Variants in UGT1A5 observed in about 807,000 individuals in gnomAD.
UGT1A5 encodes UDP glucuronosyltransferase family 1 member A5, also known as UDP-glucuronosyltransferase 1A5.
In UGT1A5, 29 loss-of-function variants were observed where a neutral mutation model predicts 40.3. The observed-to-expected ratio is 0.72, with a 90% CI of 0.54 to 0.98. The LOEUF (loss-of-function observed/expected upper bound fraction) is 0.98. Ranked by LOEUF, UGT1A5 falls within the 50% of genes least tolerant of loss-of-function variation. The pLI, the probability that UGT1A5 is intolerant of heterozygous loss-of-function variation, is 0.00. For missense variants in UGT1A5, 678 were observed against 677.9 expected, an observed-to-expected ratio of 1.00 and a Z score of 0.00; for synonymous variants, 257 against 262.5, an observed-to-expected ratio of 0.98 and a Z score of 0.20.
chr2:233,768,469 G>A (rs1403858659), intron 4 of UGT1A5, 30 bp downstream of exon 4: 1 of 1,603,172 alleles, frequency 6.2e-7, no homozygotes, highest in African/African-American at 1.3e-5. Flanking sequence ...AGAATACTTT[G>A]GTCATGGCAT....
intron 1 of UGT1A5, chr2:233,743,045 T>C (rs397706649): frequency 6.3e-6 from 2 of 318,190 alleles, no homozygotes; most frequent in Non-Finnish European, 6.1e-6. Context: ...CCTATCCGTG[T>C]AGTCCCAACG....
At chr2:233,729,605 TGCTG>T (rs755451015) in intron 1 of UGT1A5, 6 of 1,614,008 alleles carry the variant, frequency 3.7e-6, no homozygotes, top group South Asian at 1.1e-5. Context: ...TGCGCGGCAG[TGCTG>T]GCTAAGTACC....
intron 1 of UGT1A5, among the ~76,000 whole-genome samples, chr2:233,764,876 A>G (rs1378500695): frequency 1.5e-5 from 2 of 134,982 alleles, no homozygotes; most frequent in Non-Finnish European, 3.3e-5. Flanking sequence ...AGCCCAAGGG[A>G]AAAGGCAAAG....
intron 1 of UGT1A5, chr2:233,755,173 C>T (rs541147048): frequency 7.2e-6 from 9 of 1,248,952 alleles, no homozygotes; most frequent in Non-Finnish European, 9.8e-6. Flanking sequence ...GGGTTTTTGT[C>T]GGGGTGCCAC....
chr2:233,732,507 C>A (rs2125772065), intron 1 of UGT1A5, among the ~76,000 whole-genome samples: 1 of 152,338 alleles, frequency 6.6e-6, no homozygotes, highest in Admixed American at 6.5e-5. Context: ...GGAAGGGATC[C>A]TGTTCCAGCT....
Position 233,769,834 on chromosome 2 carries a change from G to T in UGT1A5, c.1307+1395G>T. ...CATGCCACTGCACTCCAGCAACCTG[G>T]GCAACAGAGTGAGACCCTGTCTCAA... On this transcript the variant is annotated intron_variant, in intron 4 of 4. Coordinates refer to ENST00000373414, the MANE Select transcript of UGT1A5 (RefSeq NM_019078.2). The surrounding 1 kb of genome is among the most constrained non-coding windows in gnomAD (Gnocchi z 4.4). 1.5e-6 allele frequency: 1 copy of T among 687,902 alleles called. No individual in the cohort carries two copies. The highest frequency in any genetic ancestry group is 2.2e-6 in the Non-Finnish European group (1 of 463,396). The allele number at this position is 687,902 out of a possible 1,614,324, so 42.6% of individuals were successfully genotyped here.
At chr2:233,761,999 A>C (rs1449541079) in intron 1 of UGT1A5, among the ~76,000 whole-genome samples, 1 of 152,130 alleles carries the variant, frequency 6.6e-6, no homozygotes, top group Non-Finnish European at 1.5e-5. Flanking sequence ...TATTTCCACT[A>C]TACCTCCAAT....
intron 1 of UGT1A5, chr2:233,755,289 T>C (rs1695843329): frequency 6.1e-6 from 4 of 651,342 alleles, no homozygotes; most frequent in Non-Finnish European, 9.5e-6. Context: ...CCAAAGAGCC[T>C]GCGGGGCACT....
rs28898609 is a variant in UGT1A5 at position 233,718,170 on chromosome 2, C to G, written c.867+4312C>G. The G allele has an allele frequency of 6.8e-3, 1,637 of 241,004 alleles. 38 individuals are homozygous for G. The highest frequency in any genetic ancestry group is 0.033 in the African/African-American group (1,513 of 45,480). The allele number at this position is 241,004 out of a possible 1,614,324, so 14.9% of individuals were successfully genotyped here. The stretch of plus-strand genomic sequence containing the variant: ...AAAGCCTTCCCAAGAATATGATCAT[C>G]ACATCTTGAGCTCAGCCTCCCCGGA... On this transcript the variant is annotated intron_variant, in intron 1 of 4. Coordinates refer to ENST00000373414, the MANE Select transcript of UGT1A5 (RefSeq NM_019078.2).
At chr2:233,743,209 T>C (rs879874451) in intron 1 of UGT1A5, 11 of 398,276 alleles carry the variant, frequency 2.8e-5, no homozygotes, top group Admixed American at 1.6e-4. Context: ...CAATGCGGAG[T>C]AACTGCTCTT....
rs140613392 is a variant in UGT1A5 at position 233,768,343 on chromosome 2, G to A, written c.1211G>A (p.Arg404His). 68 of 1,614,170 alleles carry A rather than the reference G, an allele frequency of 4.2e-5. No homozygotes were observed. The highest frequency in any genetic ancestry group is 3.7e-4 in the African/African-American group (28 of 75,042). ...GGTGATCAGATGGACAATGCAAAGC[G>A]CATGGAGACTAAGGGAGCTGGAGTG... ...LFGDQMDNAK[R>H]METKGAGVTL... Residue 404 changes from arginine (R) to histidine (H), a missense_variant, in exon 4 of 5, where the codon CGC (arginine) becomes CAC (histidine). By Grantham distance (29) the Arg-to-His change is conservative. Coordinates refer to ENST00000373414, the MANE Select transcript of UGT1A5 (RefSeq NM_019078.2).
intron 1 of UGT1A5, chr2:233,754,408 C>G (rs1318751129): frequency 8.8e-6 from 3 of 340,794 alleles, no homozygotes; most frequent in African/African-American, 6.4e-5. Flanking sequence ...GCAGTCCCAA[C>G]AATAAAGACA....
chr2:233,740,554 T>C (rs983150710), intron 1 of UGT1A5: 2 of 151,778 alleles, frequency 1.3e-5, no homozygotes, highest in African/African-American at 4.9e-5. Context: ...CCAGAAAAAA[T>C]GTCCGGCATT....
At chr2:233,739,280 A>G (rs1046520383) in intron 1 of UGT1A5, among the ~76,000 whole-genome samples, 11 of 152,210 alleles carry the variant, frequency 7.2e-5, no homozygotes, top group African/African-American at 2.7e-4. Context: ...GCCCCCACAC[A>G]GAGTCTCCAC....
chr2:233,755,133 A>G, intron 1 of UGT1A5: 1 of 1,319,072 alleles, frequency 7.6e-7, no homozygotes, highest in Non-Finnish European at 1.0e-6. Context: ...CACCTGCTTG[A>G]ATCTTCTCAC....
chr2:233,716,337 C>T (rs17868335), intron 1 of UGT1A5, among the ~76,000 whole-genome samples: 4 of 152,208 alleles, frequency 2.6e-5, no homozygotes, highest in African/African-American at 4.8e-5. Flanking sequence ...CCCAGGTTTG[C>T]GCAACTACAA....
Position 233,767,871 on chromosome 2 carries a change from C to G in UGT1A5, c.1022C>G (p.Thr341Ser). The stretch of plus-strand genomic sequence containing the variant: ...CAGGTCCTGTGGCGGTACACTGGAA[C>G]CCGACCATCGAATCTTGCGAACAAC... ...PQTVLWRYTG[T>S]RPSNLANNTI... The change falls in exon 3 of 5, where the codon ACC becomes AGC. Residue 341 changes from threonine to serine, a missense_variant. Coordinates refer to ENST00000373414, the MANE Select transcript of UGT1A5 (RefSeq NM_019078.2). The G allele has an allele frequency of 6.2e-7, 1 of 1,614,154 alleles. No homozygotes were observed. Among genetic ancestry groups the G allele is most frequent in the Non-Finnish European group, 8.5e-7 (1 of 1,180,040 alleles).
chr2:233,730,135 G>GA lies in UGT1A5; in HGVS notation c.867+16278dup, dbSNP rs1299530262. ...TCTCCTTGTCATAATAGCCTTCAGT[G>GA]AGATAAACTGTTAAGGGGTCTCTAG... On this transcript the variant is annotated intron_variant, in intron 1 of 4. Coordinates refer to ENST00000373414, the MANE Select transcript of UGT1A5 (RefSeq NM_019078.2). 3.8e-5 allele frequency: 58 copies of GA among 1,528,822 alleles called. No homozygotes were observed. In the African/African-American group the frequency reaches 8.0e-4, roughly 21 times the overall value. 94.7% of individuals were successfully genotyped at this position (1,528,822 alleles called of 1,614,324 possible).
At chr2:233,717,497 T>A (rs2076580358) in intron 1 of UGT1A5, among the ~76,000 whole-genome samples, 1 of 152,206 alleles carries the variant, frequency 6.6e-6, no homozygotes, top group Admixed American at 6.5e-5. Flanking sequence ...GTTATCAATG[T>A]GGATTTCTAA....
Sources: gnomAD v4.1 joint callset for allele counts (sites outside exome capture counted in the v4.1 genomes callset) on GRCh38, gnomAD v4.1.1 for gene constraint, Gnocchi (gnomAD v3.1) non-coding constraint, MANE v1.5 for transcripts, NCBI Gene and HGNC (gene_info 2026-07-23, HGNC 2026-07-21) for gene names.